The following FARS2 variants were observed in gnomAD, a reference collection of about 807,000 sequenced individuals.
FARS2 encodes the protein phenylalanyl-tRNA synthetase 2, mitochondrial.
In FARS2, 40 loss-of-function variants were observed where a neutral mutation model predicts 46.4. The ratio of observed to expected loss-of-function variants is 0.86; its 90% CI spans 0.67 to 1.12. The LOEUF is 1.12. Among genes scored for constraint, FARS2 ranks in the 50% most tolerant of loss-of-function variants. The probability of loss-of-function intolerance (pLI) is 0.00; values close to 1 mark genes in which losing one functional copy is unlikely to be tolerated. For synonymous variants in FARS2, 234 were observed against 214.9 expected (o/e 1.09, Z -0.78); for missense variants, 513 against 567.9 (o/e 0.90, Z 0.98).
chr6:5,318,514 C>CA (rs1334307724), intron 1 of FARS2, among the ~76,000 whole-genome samples: 6 of 151,746 alleles, frequency 4.0e-5, no homozygotes, highest in Non-Finnish European at 7.4e-5. Flanking sequence ...GCCAGAGTCT[C>CA]ACTATGTTAC....
At chr6:5,571,810 C>G (rs1368615396) in intron 5 of FARS2, among the ~76,000 whole-genome samples, 1 of 152,166 alleles carries the variant, frequency 6.6e-6, no homozygotes, top group African/African-American at 2.4e-5. Context: ...CTCCCTTCCC[C>G]CCATTTCCAC....
At chr6:5,656,935 G>A (rs1050562666) in intron 6 of FARS2, among the ~76,000 whole-genome samples, 2 of 152,220 alleles carry the variant, frequency 1.3e-5, no homozygotes, top group East Asian at 3.9e-4. Flanking sequence ...TAACCATACC[G>A]TATATGTCTT....
intron 1 of FARS2, among the ~76,000 whole-genome samples, chr6:5,288,754 A>G (rs756338798): frequency 5.3e-5 from 8 of 152,206 alleles, no homozygotes; most frequent in Non-Finnish European, 8.8e-5. Flanking sequence ...AAGACAGAGA[A>G]TTAGAAAAAA....
intron 1 of FARS2, 38 bp from the exon 2 acceptor site, chr6:5,368,512 G>A (rs1758821917): frequency 6.5e-7 from 1 of 1,537,324 alleles, no homozygotes; most frequent in African/African-American, 1.4e-5. Context: ...TCCACAGAGT[G>A]ACACCTGACT....
chr6:5,407,043 T>TTATATATATATATATATATA lies in FARS2; in HGVS notation c.772+2347_772+2366dup, dbSNP rs201074448. Among the ~76,000 whole-genome samples, 670 of 83,602 alleles carry TTATATATATATATATATATA rather than the reference T, an allele frequency of 8.0e-3. 31 individuals are homozygous for TTATATATATATATATATATA. The highest frequency in any genetic ancestry group is 0.023 in the African/African-American group (461 of 20,372). The allele number at this position is 83,602 out of a possible 152,430, so 54.8% of individuals were successfully genotyped here. A position where few individuals can be genotyped will look rare whatever the true frequency, so the allele number is the denominator to read the frequency against. On this transcript the variant is annotated intron_variant, in intron 3 of 6. Coordinates refer to ENST00000274680, the MANE Select transcript of FARS2 (RefSeq NM_006567.5). ...AATGGGTGAACATGAAGGTGGCAAA[T>TTATATATATATATATATATA]TATATATATATATATATATATATAA...
intron 4 of FARS2, among the ~76,000 whole-genome samples, chr6:5,453,353 T>G (rs1562051634): frequency 6.6e-6 from 1 of 152,226 alleles, no homozygotes; most frequent in Non-Finnish European, 1.5e-5. Context: ...GGATTTCAGC[T>G]GCCTAGTGGT....
intron 1 of FARS2, among the ~76,000 whole-genome samples, chr6:5,281,991 A>G (rs958074961): frequency 2.0e-5 from 3 of 152,202 alleles, no homozygotes; most frequent in Non-Finnish European, 2.9e-5. Context: ...TGATACTCCA[A>G]ACTTTACCAG....
At chr6:5,367,933 T>C (rs979633936) in intron 1 of FARS2, among the ~76,000 whole-genome samples, 68 of 152,138 alleles carry the variant, frequency 4.5e-4, no homozygotes, top group African/African-American at 1.6e-3. Flanking sequence ...CAATCTAAAG[T>C]GGTGTATTTT....
intron 2 of FARS2, among the ~76,000 whole-genome samples, chr6:5,375,531 C>T (rs1759322015): frequency 6.6e-6 from 1 of 151,936 alleles, no homozygotes; most frequent in African/African-American, 2.4e-5. Flanking sequence ...AAAATTTTCA[C>T]TGGATATTTT....
At chr6:5,738,836 T>A (rs1307556423) in intron 6 of FARS2, among the ~76,000 whole-genome samples, 3 of 152,142 alleles carry the variant, frequency 2.0e-5, no homozygotes, top group African/African-American at 7.2e-5. Flanking sequence ...GAGTTGCGTG[T>A]GTATCGTTGT....
chr6:5,527,208 G>C, intron 4 of FARS2, among the ~76,000 whole-genome samples: 1 of 152,342 alleles, frequency 6.6e-6, no homozygotes, highest in Non-Finnish European at 1.5e-5. Context: ...AACTGACCCT[G>C]TAAGTCTATT....
chr6:5,286,803 G>A (rs1767149039), intron 1 of FARS2, among the ~76,000 whole-genome samples: 2 of 152,184 alleles, frequency 1.3e-5, no homozygotes, highest in African/African-American at 4.8e-5. Flanking sequence ...ATGTTGGCAT[G>A]TGTGTATGTG....
rs370714583 is a variant in FARS2, at chr6:5,282,148, C to G, written c.-22+20488C>G. On this transcript the variant is annotated intron_variant, in intron 1 of 6. Transcript: ENST00000274680. ...GTAGGGATTCAGATGGCTTTTTAGTCATTTAATGAGCAATAGGAATTTTTG... is the reference window on the plus strand; with the variant it reads ...GTAGGGATTCAGATGGCTTTTTAGTGATTTAATGAGCAATAGGAATTTTTG... Among the ~76,000 whole-genome samples, 47 of 152,276 alleles carry G rather than the reference C, an allele frequency of 3.1e-4. No individual in the cohort carries two copies. In the South Asian group the frequency reaches 9.3e-3, roughly 30 times the overall value.
intron 1 of FARS2, among the ~76,000 whole-genome samples, chr6:5,336,806 A>C (rs1771193199): frequency 6.6e-6 from 1 of 152,166 alleles, no homozygotes; most frequent in Non-Finnish European, 1.5e-5. Flanking sequence ...TGCACTGCAG[A>C]TATTTCCCAC....
intron 1 of FARS2, among the ~76,000 whole-genome samples, chr6:5,350,108 T>TGTTC (rs1757479205): frequency 6.6e-6 from 1 of 152,104 alleles, no homozygotes; most frequent in African/African-American, 2.4e-5. Flanking sequence ...CAGCAAGGTT[T>TGTTC]GTTCGTTCGT....
At chr6:5,546,151 A>G (rs1276394982) in intron 5 of FARS2, among the ~76,000 whole-genome samples, 1 of 152,110 alleles carries the variant, frequency 6.6e-6, no homozygotes, top group Non-Finnish European at 1.5e-5. Context: ...GTTCCTAAAT[A>G]GAGGTCCATA....
chr6:5,422,354 G>A (rs927105489), intron 3 of FARS2, among the ~76,000 whole-genome samples: 1 of 151,398 alleles, frequency 6.6e-6, no homozygotes, highest in Non-Finnish European at 1.5e-5. Context: ...GACTATGCCT[G>A]TTTGGTTCTC....
At chr6:5,353,807 C>T (rs1757741657) in intron 1 of FARS2, among the ~76,000 whole-genome samples, 1 of 119,450 alleles carries the variant, frequency 8.4e-6, no homozygotes, top group Non-Finnish European at 1.6e-5. Flanking sequence ...GTCAGATGTA[C>T]AGTTTGCAGA....
intron 6 of FARS2, among the ~76,000 whole-genome samples, chr6:5,668,291 G>A (rs930176615): frequency 1.3e-5 from 2 of 152,196 alleles, no homozygotes; most frequent in African/African-American, 4.8e-5. Context: ...GCAGCCACAT[G>A]AGCAAATATT....
Sources: gnomAD v4.1 joint callset for allele counts (sites outside exome capture counted in the v4.1 genomes callset) on GRCh38, gnomAD v4.1.1 for gene constraint, MANE v1.5 for transcripts, NCBI Gene and HGNC (gene_info 2026-07-23, HGNC 2026-07-21) for gene names.